The following NEGR1 variants were observed in gnomAD, a reference collection of about 807,000 sequenced individuals.
NEGR1 encodes the protein IgLON family member 4.
In NEGR1, 10 loss-of-function variants were observed where a neutral mutation model predicts 40.9. The ratio of observed to expected loss-of-function variants is 0.24; its 90% CI spans 0.15 to 0.42. The LOEUF is 0.42. Among genes scored for constraint, NEGR1 ranks in the 10% least tolerant of loss-of-function variants. The pLI, the probability that NEGR1 is intolerant of heterozygous loss-of-function variation, is 1.00. For missense variants in NEGR1, 352 were observed against 438.9 expected (o/e 0.80, Z 1.77); for synonymous variants, 185 against 166.8 (o/e 1.11, Z -0.84).
At chr1:72,026,928 T>G (rs1029336102) in intron 1 of NEGR1, among the ~76,000 whole-genome samples, 4 of 152,000 alleles carry the variant, frequency 2.6e-5, no homozygotes, top group African/African-American at 7.3e-5. Flanking sequence ...TTTTGTTTTG[T>G]TTTTTGGTTT....
intron 4 of NEGR1, among the ~76,000 whole-genome samples, chr1:71,670,667 G>T (rs1652390665): frequency 6.6e-6 from 1 of 151,980 alleles, no homozygotes; most frequent in African/African-American, 2.4e-5. Context: ...CATGAACATG[G>T]TTGTGTGCCA....
intron 3 of NEGR1, among the ~76,000 whole-genome samples, chr1:71,715,640 G>T (rs1373378319): frequency 6.6e-6 from 1 of 152,116 alleles, no homozygotes; most frequent in Non-Finnish European, 1.5e-5. Flanking sequence ...CAAGTTCAAA[G>T]TTACACAGAT....
chr1:71,687,246 A>C (rs1653069913), intron 4 of NEGR1, among the ~76,000 whole-genome samples: 1 of 152,226 alleles, frequency 6.6e-6, no homozygotes, highest in Non-Finnish European at 1.5e-5. Context: ...ACTGCTTTTA[A>C]GTTATCGGTA....
intron 1 of NEGR1, among the ~76,000 whole-genome samples, chr1:72,069,338 G>A (rs958737303): frequency 2.0e-5 from 3 of 152,042 alleles, no homozygotes; most frequent in African/African-American, 7.3e-5. Flanking sequence ...CAGCTACTGT[G>A]GAGGCTGAGG....
intron 2 of NEGR1, among the ~76,000 whole-genome samples, chr1:71,917,992 C>T (rs1390004573): frequency 2.7e-5 from 4 of 149,812 alleles, no homozygotes; most frequent in Non-Finnish European, 5.9e-5. Flanking sequence ...CCGAGGCGGG[C>T]GGATCACAAG....
chr1:72,087,439 A>AATAT (rs1233129494), intron 1 of NEGR1, among the ~76,000 whole-genome samples: 49 of 149,594 alleles, frequency 3.3e-4, no homozygotes, highest in Non-Finnish European at 5.9e-4. Context: ...TCAAAAAAAA[A>AATAT]ATATATATAT....
chr1:71,835,689 T>G (rs1432847449), intron 2 of NEGR1, among the ~76,000 whole-genome samples: 2 of 152,128 alleles, frequency 1.3e-5, no homozygotes, highest in African/African-American at 4.8e-5. Flanking sequence ...ATCTTTCAGT[T>G]CCCTATTGCA....
chr1:71,766,720 G>A (rs1032126262), intron 3 of NEGR1, among the ~76,000 whole-genome samples: 1 of 152,152 alleles, frequency 6.6e-6, no homozygotes, highest in Non-Finnish European at 1.5e-5. Flanking sequence ...GTCTCATGTG[G>A]AATTGTAATC....
At chr1:71,505,664 C>T (rs1647027996) in intron 6 of NEGR1, among the ~76,000 whole-genome samples, 1 of 152,168 alleles carries the variant, frequency 6.6e-6, no homozygotes, top group Non-Finnish European at 1.5e-5. Flanking sequence ...TGGGCAGTCC[C>T]TTCTACTTTA....
At chr1:72,238,061 G>C (rs1222996920) in intron 1 of NEGR1, among the ~76,000 whole-genome samples, 4 of 151,626 alleles carry the variant, frequency 2.6e-5, no homozygotes, top group African/African-American at 9.7e-5. Context: ...GTTTTTATGT[G>C]ATTTAAATGT....
intron 3 of NEGR1, among the ~76,000 whole-genome samples, chr1:71,762,183 C>T (rs1261884182): frequency 6.6e-6 from 1 of 151,704 alleles, no homozygotes. Flanking sequence ...TATTCAAAAA[C>T]TCTGGCAATA....
intron 1 of NEGR1, among the ~76,000 whole-genome samples, chr1:72,149,438 G>A (rs1432801917): frequency 6.6e-6 from 1 of 152,046 alleles, no homozygotes; most frequent in Non-Finnish European, 1.5e-5. Flanking sequence ...AGCAGACGAA[G>A]AAGCTTCTTA....
intron 1 of NEGR1, among the ~76,000 whole-genome samples, chr1:72,161,059 T>C (rs1284349008): frequency 6.6e-6 from 1 of 152,158 alleles, no homozygotes; most frequent in East Asian, 1.9e-4. Context: ...ATGTTATCAC[T>C]TTGAGCAGTT....
At chr1:72,182,694 A>AT (rs1398324046) in intron 1 of NEGR1, among the ~76,000 whole-genome samples, 1 of 151,838 alleles carries the variant, frequency 6.6e-6, no homozygotes, top group East Asian at 1.9e-4. Flanking sequence ...TAACAATTAT[A>AT]TAATTATAAT....
intron 1 of NEGR1, chr1:72,275,177 G>T: frequency 1.6e-6 from 1 of 612,572 alleles, no homozygotes; most frequent in Non-Finnish European, 2.9e-6. Context: ...AAATTAAAAT[G>T]ACAAAGAAAA....
chr1:71,781,781 G>A (rs1656725491), intron 2 of NEGR1, among the ~76,000 whole-genome samples: 2 of 152,094 alleles, frequency 1.3e-5, no homozygotes, highest in Admixed American at 1.3e-4. Flanking sequence ...ACCTTTAAAA[G>A]TTGTTATATA....
chr1:72,089,456 A>G (rs182825023), intron 1 of NEGR1, among the ~76,000 whole-genome samples: 28 of 152,328 alleles, frequency 1.8e-4, no homozygotes, highest in Admixed American at 1.2e-3. Context: ...AGCTTATGTC[A>G]TTTCCAAGCA....
At chr1:72,196,198 A>G in intron 1 of NEGR1, among the ~76,000 whole-genome samples, 1 of 152,164 alleles carries the variant, frequency 6.6e-6, no homozygotes, top group South Asian at 2.1e-4. Context: ...GAGCACCAAC[A>G]TGATGCTCAA....
chr1:71,932,170 TA>T (rs1645861606), intron 2 of NEGR1, among the ~76,000 whole-genome samples: 1 of 152,140 alleles, frequency 6.6e-6, no homozygotes, highest in African/African-American at 2.4e-5. Context: ...GAGCTATATG[TA>T]AACATTAGTT....
Sources: allele counts gnomAD v4.1 joint callset (sites outside exome capture counted in the v4.1 genomes callset), GRCh38; gene constraint gnomAD v4.1.1; transcripts MANE v1.5; gene names NCBI Gene and HGNC (gene_info 2026-07-23, HGNC 2026-07-21).